The following PDE4D variants were observed in gnomAD, a reference collection of about 807,000 sequenced individuals.
PDE4D encodes the protein phosphodiesterase 4D, also known as 3',5'-cyclic-AMP phosphodiesterase 4D.
PDE4D carries 24 observed loss-of-function variants against 87.4 expected under a neutral mutation model. That is an observed-to-expected ratio of 0.27 (90% CI 0.20 to 0.39). The LOEUF is 0.39. Ranked by LOEUF, PDE4D falls within the 10% of genes least tolerant of loss-of-function variation. The probability of loss-of-function intolerance (pLI) is 1.00; values close to 1 mark genes in which losing one functional copy is unlikely to be tolerated. For missense variants in PDE4D, 714 were observed against 1,041.0 expected (o/e 0.69, Z 4.32); for synonymous variants, 384 against 383.2 (o/e 1.00, Z -0.02).
rs1561614982 is a variant in PDE4D, at chr5:59,762,269, T to TACACATATGC, written c.455+130898_455+130899insGCATATGTGT. 4.6e-3 allele frequency among the ~76,000 whole-genome samples: 213 copies of TACACATATGC among 46,638 alleles called. 41 individuals are homozygous for TACACATATGC. Among genetic ancestry groups the TACACATATGC allele is most frequent in the Non-Finnish European group, 3.1e-3 (64 of 20,594 alleles). 30.6% of individuals were successfully genotyped at this position (46,638 alleles called of 152,430 possible). The stretch of plus-strand genomic sequence containing the variant: ...ATATGGGTACACATATGCGTATATG[T>TACACATATGC]GTATATGGGTACACATATGCGTATA... On this transcript the variant is annotated intron_variant, in intron 1 of 14. Coordinates refer to ENST00000340635, the MANE Select transcript of PDE4D (RefSeq NM_001104631.2).
At chr5:59,263,192 C>T (rs1762309395) in intron 1 of PDE4D, among the ~76,000 whole-genome samples, 1 of 151,984 alleles carries the variant, frequency 6.6e-6, no homozygotes, top group Admixed American at 6.6e-5. Flanking sequence ...ACTCACTGTT[C>T]TACTTTCCAT....
chr5:59,573,796 G>A (rs1822283167), intron 1 of PDE4D, among the ~76,000 whole-genome samples: 1 of 151,072 alleles, frequency 6.6e-6, no homozygotes, highest in Non-Finnish European at 1.5e-5. Flanking sequence ...TCAGGAGTTC[G>A]AGACCAGCCA....
chr5:59,332,685 G>A (rs1182657881), intron 1 of PDE4D, among the ~76,000 whole-genome samples: 1 of 152,150 alleles, frequency 6.6e-6, no homozygotes, highest in Admixed American at 6.5e-5. Context: ...AAAAAGACCA[G>A]AAAACCAAAT....
At chr5:59,360,799 T>C (rs1247106932) in intron 1 of PDE4D, among the ~76,000 whole-genome samples, 1 of 152,100 alleles carries the variant, frequency 6.6e-6, no homozygotes. Flanking sequence ...AGTAAAACAT[T>C]AACAGAATTG....
At chr5:59,653,872 A>G (rs1173354639) in intron 1 of PDE4D, among the ~76,000 whole-genome samples, 1 of 134,910 alleles carries the variant, frequency 7.4e-6, no homozygotes, top group Non-Finnish European at 1.6e-5. Flanking sequence ...AGAAGGGAAG[A>G]GAGAGAAGGG....
At chr5:59,653,781 CTATT>C (rs1199621112) in intron 1 of PDE4D, among the ~76,000 whole-genome samples, 4 of 150,244 alleles carry the variant, frequency 2.7e-5, no homozygotes, top group Non-Finnish European at 4.4e-5. Context: ...ATTATAATAT[CTATT>C]TATGAGTGGG....
chr5:59,440,708 G>A lies in PDE4D; in HGVS notation c.456-224740C>T, dbSNP rs567078682. 7.2e-4 allele frequency among the ~76,000 whole-genome samples: 109 copies of A among 152,176 alleles called. No homozygotes were observed. In the Middle Eastern group the frequency reaches 0.01, roughly 14 times the overall value. ...GGAGAATTGCTTGAACCTGGGAGGCGGAGGTTGTGGTGAGCCGAGGTTGCA... is the reference window on the plus strand; with the variant it reads ...GGAGAATTGCTTGAACCTGGGAGGCAGAGGTTGTGGTGAGCCGAGGTTGCA... On this transcript the variant is annotated intron_variant, in intron 1 of 14. Transcript: ENST00000340635.
intron 1 of PDE4D, among the ~76,000 whole-genome samples, chr5:60,200,047 A>G (rs1020091818): frequency 1.3e-5 from 2 of 151,690 alleles, no homozygotes; most frequent in Non-Finnish European, 2.9e-5. Flanking sequence ...AAAATGGCAC[A>G]TGAACCAAAG....
At chr5:59,497,199 G>A (rs1375373510) in intron 1 of PDE4D, among the ~76,000 whole-genome samples, 1 of 151,926 alleles carries the variant, frequency 6.6e-6, no homozygotes, top group African/African-American at 2.4e-5. Flanking sequence ...CCAAACAATA[G>A]CAAATTCAAA....
intron 3 of PDE4D, among the ~76,000 whole-genome samples, chr5:59,901,261 G>C (rs1177825222): frequency 1.3e-5 from 2 of 152,124 alleles, no homozygotes; most frequent in Non-Finnish European, 2.9e-5. Context: ...AAAGTAAAAT[G>C]CCAATTGATG....
At chr5:60,240,976 T>C (rs1747045057) in intron 1 of PDE4D, among the ~76,000 whole-genome samples, 1 of 152,020 alleles carries the variant, frequency 6.6e-6, no homozygotes, top group Non-Finnish European at 1.5e-5. Flanking sequence ...CTGACAAACA[T>C]CAACGAGCAT....
At chr5:60,297,487 T>C (rs539371933) in intron 1 of PDE4D, among the ~76,000 whole-genome samples, 1 of 152,304 alleles carries the variant, frequency 6.6e-6, no homozygotes, top group East Asian at 1.9e-4. Flanking sequence ...GAATTCAATA[T>C]ATCGAGAAGT....
intron 1 of PDE4D, among the ~76,000 whole-genome samples, chr5:59,416,317 T>A (rs550174090): frequency 6.6e-6 from 1 of 152,346 alleles, no homozygotes; most frequent in South Asian, 2.1e-4. Context: ...CAAAGAGGAC[T>A]TCTTGGATCT....
rs1319945789 is a variant in PDE4D at position 60,230,886 on chromosome 5, TAGA to T, written c.-89-45202_-89-45200del. On this transcript the variant is annotated intron_variant, in intron 1 of 16. Transcript: ENST00000502484. Reference sequence around the variant, plus strand: ...AATAGGTAGGCTTTGGCATAAACTCTAGAAGATGTCAGTTGAAACCCTTAGTTC... The same window carrying T: ...AATAGGTAGGCTTTGGCATAAACTCTAGATGTCAGTTGAAACCCTTAGTTC... 2.0e-5 allele frequency among the ~76,000 whole-genome samples: 3 copies of T among 152,078 alleles called. No homozygotes were observed. The South Asian group carries it at 6.2e-4, about 31-fold the overall frequency.
At position 59,985,124 on chromosome 5, in the gene PDE4D, G is replaced by GTTTTTTCTTTTTTTTTTTTTT. The variant is rs762506771; in HGVS notation, c.272+3363_272+3364insAAAAAAAAAAAAAAGAAAAAA. Among the ~76,000 whole-genome samples the GTTTTTTCTTTTTTTTTTTTTT allele has an allele frequency of 1.8e-5, 2 of 111,268 alleles. 1 individual carries two copies. The highest frequency in any genetic ancestry group is 3.7e-5 in the Non-Finnish European group (2 of 53,538). The allele number at this position is 111,268 out of a possible 152,430, so 73.0% of individuals were successfully genotyped here. The stretch of plus-strand genomic sequence containing the variant: ...AATATAAGCCCGAACTTCACCTTTC[G>GTTTTTTCTTTTTTTTTTTTTT]TTTTTTGTTTTTTGTTTTTTGTTTT... On this transcript the variant is annotated intron_variant, in intron 3 of 16. Coordinates refer to the PDE4D transcript ENST00000502484.
intron 1 of PDE4D, among the ~76,000 whole-genome samples, chr5:59,667,772 A>G (rs1746321043): frequency 6.6e-6 from 1 of 152,144 alleles, no homozygotes; most frequent in Non-Finnish European, 1.5e-5. Context: ...CCCCTTGCTG[A>G]GTCTAACCCA....
chr5:59,374,845 C>A (rs1784459786), intron 1 of PDE4D, among the ~76,000 whole-genome samples: 1 of 152,130 alleles, frequency 6.6e-6, no homozygotes, highest in Non-Finnish European at 1.5e-5. Flanking sequence ...AGAGTGCAAT[C>A]AAATTAGAAG....
chr5:60,193,769 A>ATAGG (rs1023694706), intron 1 of PDE4D, among the ~76,000 whole-genome samples: 1 of 151,458 alleles, frequency 6.6e-6, no homozygotes, highest in Non-Finnish European at 1.5e-5. Context: ...TAAGTTAACA[A>ATAGG]TAGGGCTCTT....
chr5:59,252,382 T>C (rs1390873368), intron 1 of PDE4D, among the ~76,000 whole-genome samples: 1 of 152,162 alleles, frequency 6.6e-6, no homozygotes, highest in East Asian at 1.9e-4. Flanking sequence ...GCACTGGCTC[T>C]GCAACAGTGT....
Sources: allele counts gnomAD v4.1 joint callset (sites outside exome capture counted in the v4.1 genomes callset), GRCh38; gene constraint gnomAD v4.1.1; transcripts MANE v1.5; gene names NCBI Gene and HGNC (gene_info 2026-07-23, HGNC 2026-07-21).